LINC00632: variants seen among roughly 807,000 people sequenced by gnomAD.
LINC00632 encodes the protein long independently transcribed non-coding RNA 632.
chrX:140,785,187 A>ATT (rs1932000770), exon 5 of LINC00632, among the ~76,000 whole-genome samples: 3 of 86,489 alleles, frequency 3.5e-5, no homozygotes, highest in African/African-American at 1.5e-4. Context: ...ATAATAATAT[A>ATT]ATAATAATAA....
intron 3 of LINC00632, among the ~76,000 whole-genome samples, chrX:140,738,292 C>A (rs780771336): frequency 8.9e-6 from 1 of 112,290 alleles, no homozygotes; most frequent in South Asian, 3.7e-4. Context: ...ACTGTTCCTA[C>A]TCACATACTT....
At chrX:140,777,965 C>A (rs1244790081) in exon 5 of LINC00632, among the ~76,000 whole-genome samples, 1 of 112,029 alleles carries the variant, frequency 8.9e-6, no homozygotes, top group African/African-American at 3.2e-5. Context: ...TAGTCCCTCC[C>A]AGAAAAGGAA....
intron 2 of LINC00632, among the ~76,000 whole-genome samples, chrX:140,729,704 A>T (rs747867968): frequency 9.1e-6 from 1 of 110,127 alleles, no homozygotes; most frequent in African/African-American, 3.3e-5. Flanking sequence ...GCTCACCCCA[A>T]ACCAGATGCC....
At chrX:140,741,211 T>C (rs1179936565) in intron 3 of LINC00632, among the ~76,000 whole-genome samples, 3 of 112,242 alleles carry the variant, frequency 2.7e-5, no homozygotes, top group African/African-American at 9.7e-5. Context: ...TTGAAACAGA[T>C]GTAAAAGATG....
At chrX:140,765,135 T>TGCCTCACCC (rs887436664) in intron 3 of LINC00632, among the ~76,000 whole-genome samples, 2 of 112,054 alleles carry the variant, frequency 1.8e-5, no homozygotes, top group Admixed American at 1.9e-4. Context: ...TAGCCTCACT[T>TGCCTCACCC]GCCTCACCCG....
intron 2 of LINC00632, among the ~76,000 whole-genome samples, chrX:140,722,379 AC>A (rs1329749853): frequency 4.6e-5 from 5 of 108,870 alleles, no homozygotes; most frequent in African/African-American, 1.0e-4. Context: ...AAAAAAAAAA[AC>A]AACCTCACAG....
At chrX:140,710,617 T>C (rs944231310) in intron 1 of LINC00632, among the ~76,000 whole-genome samples, 1 of 109,673 alleles carries the variant, frequency 9.1e-6, no homozygotes, top group African/African-American at 3.3e-5. Flanking sequence ...AAAACAGAGC[T>C]TTTGTAGCTC....
intron 3 of LINC00632, among the ~76,000 whole-genome samples, chrX:140,740,924 T>C (rs906194144): frequency 6.2e-5 from 7 of 112,150 alleles, no homozygotes; most frequent in African/African-American, 2.3e-4. Flanking sequence ...TGTCAGCTCA[T>C]AACATAGGAT....
chrX:140,778,476 A>G (rs991042689), exon 5 of LINC00632, among the ~76,000 whole-genome samples: 2 of 110,819 alleles, frequency 1.8e-5, no homozygotes, highest in East Asian at 2.8e-4. Context: ...GTGGTGGTGC[A>G]TGCCTGTAAC....
exon 5 of LINC00632, among the ~76,000 whole-genome samples, chrX:140,774,653 A>G (rs752892093): frequency 2.1e-4 from 23 of 111,782 alleles, no homozygotes; most frequent in Non-Finnish European, 2.6e-4. Flanking sequence ...TCATTGATCC[A>G]TTATCATCTT....
chrX:140,784,684 A>G lies in LINC00632; in HGVS notation n.12703A>G, dbSNP rs1025320911. 12 of 278,886 alleles carry G rather than the reference A, an allele frequency of 4.3e-5. No homozygotes were observed. The East Asian group carries it at 5.6e-4, about 13-fold the overall frequency. 23.0% of individuals were successfully genotyped at this position (278,886 alleles called of 1,213,427 possible). On this transcript the variant is annotated non_coding_transcript_exon_variant, in exon 5 of 5. Transcript: ENST00000648200. ...GGTATTCTAACATGTTCTATAGTCC[A>G]GATCTTCCAGCCTTTCCCCAGGTCC...
chrX:140,733,339 C>T (rs1311235965), intron 2 of LINC00632, among the ~76,000 whole-genome samples: 5 of 111,742 alleles, frequency 4.5e-5, no homozygotes, highest in Non-Finnish European at 9.4e-5. Flanking sequence ...GACAGACACA[C>T]ACCCCACTGA....
At chrX:140,788,127 T>C (rs1051049616) in exon 5 of LINC00632, among the ~76,000 whole-genome samples, 2 of 108,646 alleles carry the variant, frequency 1.8e-5, no homozygotes, top group African/African-American at 6.8e-5. Context: ...AGCATACAAA[T>C]AATTTATTAA....
chrX:140,729,200 G>A (rs1336473365), intron 2 of LINC00632, among the ~76,000 whole-genome samples: 2 of 110,646 alleles, frequency 1.8e-5, no homozygotes, highest in Non-Finnish European at 1.9e-5. Context: ...CTGCACCCCA[G>A]AATTGCCTCT....
At chrX:140,777,213 A>C (rs1362235797) in exon 5 of LINC00632, among the ~76,000 whole-genome samples, 5 of 109,322 alleles carry the variant, frequency 4.6e-5, no homozygotes, top group South Asian at 4.0e-4. Flanking sequence ...ACCTAGATGA[A>C]GGGTTGATGG....
chrX:140,771,915 C>T (rs1049990822), intron 3 of LINC00632, among the ~76,000 whole-genome samples: 2 of 109,243 alleles, frequency 1.8e-5, no homozygotes, highest in Non-Finnish European at 1.9e-5. Context: ...CTCCTGACCT[C>T]GTGATCCCCC....
intron 3 of LINC00632, among the ~76,000 whole-genome samples, chrX:140,768,624 AATAT>A (rs1279058096): frequency 4.1e-5 from 3 of 72,761 alleles, no homozygotes; most frequent in Admixed American, 1.7e-4. Flanking sequence ...TCACATAATA[AATAT>A]ATATACTATA....
At chrX:140,772,697 CGGG>C (rs1279896343) in exon 4 of LINC00632, 1 of 145,502 alleles carries the variant, frequency 6.9e-6, no homozygotes, top group Non-Finnish European at 1.3e-5. Context: ...GCCAGTGAAT[CGGG>C]GGCACACAAG....
chrX:140,737,907 T>C (rs1931167626), intron 3 of LINC00632, among the ~76,000 whole-genome samples: 1 of 112,294 alleles, frequency 8.9e-6, no homozygotes, highest in Non-Finnish European at 1.9e-5. Context: ...ATCTTTGCTA[T>C]TGTGAATAGT....
Sources: gnomAD v4.1 joint callset for allele counts (sites outside exome capture counted in the v4.1 genomes callset) on GRCh38, gnomAD v4.1.1 for gene constraint, MANE v1.5 for transcripts, NCBI Gene and HGNC (gene_info 2026-07-23, HGNC 2026-07-21) for gene names.